Variants in MICAL2 observed in about 807,000 individuals in gnomAD.
The protein encoded by MICAL2 is microtubule associated monooxygenase, calponin and LIM domain containing 2.
A neutral mutation model predicts 127.3 loss-of-function variants in MICAL2; 77 were observed. That is an observed-to-expected ratio of 0.60 (90% CI 0.50 to 0.73). The LOEUF (loss-of-function observed/expected upper bound fraction) is 0.73. Ranked by LOEUF, MICAL2 falls within the 30% of genes least tolerant of loss-of-function variation. The probability of loss-of-function intolerance (pLI) is 0.00; values close to 1 mark genes in which losing one functional copy is unlikely to be tolerated. For missense variants in MICAL2, 1,351 were observed against 1,434.4 expected (o/e 0.94, Z 0.94); for synonymous variants, 570 against 551.1 (o/e 1.03, Z -0.48).
At chr11:12,209,427 C>T (rs1855152960) in intron 5 of MICAL2, 70 bp from the exon 6 acceptor site, 1 of 1,247,798 alleles carries the variant, frequency 8.0e-7, no homozygotes, top group Non-Finnish European at 1.2e-6. Context: ...TCATAGCCAC[C>T]ACACGGGGGG....
At chr11:12,213,046 C>G (rs1855698258) in intron 6 of MICAL2, among the ~76,000 whole-genome samples, 1 of 151,406 alleles carries the variant, frequency 6.6e-6, no homozygotes, top group Non-Finnish European at 1.5e-5. Flanking sequence ...TAACCAGGTC[C>G]TGTAGATTTT....
At chr11:12,334,341 T>G (rs1445606594) in intron 32 of MICAL2, among the ~76,000 whole-genome samples, 2 of 152,176 alleles carry the variant, frequency 1.3e-5, no homozygotes, top group Non-Finnish European at 2.9e-5. Flanking sequence ...GTGTAAATAG[T>G]TGTTATACCA....
chr11:12,265,312 A>C (rs138145114), downstream of MICAL2, among the ~76,000 whole-genome samples: 603 of 152,336 alleles, frequency 4.0e-3, 4 homozygotes, highest in African/African-American at 0.014. Context: ...CATTCTACAT[A>C]CATAGTTTTG....
intron 25 of MICAL2, 73 bp from the exon 26 acceptor site, chr11:12,259,722 G>C: frequency 7.4e-7 from 1 of 1,348,496 alleles, no homozygotes; most frequent in Non-Finnish European, 1.0e-6. Context: ...AGTTTGTATT[G>C]GCTGTTGGCT....
chr11:12,237,619 T>C (rs1195519780), intron 16 of MICAL2, among the ~76,000 whole-genome samples: 1 of 151,328 alleles, frequency 6.6e-6, no homozygotes, highest in East Asian at 1.9e-4. Flanking sequence ...TGGGAAGAAA[T>C]CTGGTTTGTG....
intron 5 of MICAL2, among the ~76,000 whole-genome samples, chr11:12,209,042 C>T (rs1465440324): frequency 6.6e-6 from 1 of 151,706 alleles, no homozygotes; most frequent in Non-Finnish European, 1.5e-5. Flanking sequence ...AAATAAAAGA[C>T]AGTGTAGTGT....
chr11:12,238,800 A>AT (rs1859462692), intron 16 of MICAL2, among the ~76,000 whole-genome samples: 1 of 152,228 alleles, frequency 6.6e-6, no homozygotes, highest in Non-Finnish European at 1.5e-5. Context: ...AGCTGGGTGA[A>AT]GGGTATGCAG....
chr11:12,169,363 C>A (rs1855955476), intron 3 of MICAL2, among the ~76,000 whole-genome samples: 1 of 140,440 alleles, frequency 7.1e-6, no homozygotes, highest in Non-Finnish European at 1.5e-5. Flanking sequence ...GGCTATAGCA[C>A]AATAGCACCA....
intron 2 of MICAL2, among the ~76,000 whole-genome samples, chr11:12,143,961 G>C (rs1852616051): frequency 6.6e-6 from 1 of 152,090 alleles, no homozygotes; most frequent in Non-Finnish European, 1.5e-5. Context: ...GAGAGAGAGA[G>C]CGCCAGGAAC....
At chr11:12,289,739 T>C (rs1164180536), downstream of MICAL2, among the ~76,000 whole-genome samples, 1 of 151,930 alleles carries the variant, frequency 6.6e-6, no homozygotes, top group East Asian at 1.9e-4. Flanking sequence ...TGGCTAATTT[T>C]TGTATTTTTG....
At chr11:12,260,749 G>A in intron 26 of MICAL2, 1 of 985,532 alleles carries the variant, frequency 1.0e-6, no homozygotes, top group Non-Finnish European at 1.2e-6. Context: ...GAAGCACGGA[G>A]CAGTGTGTGG....
intron 24 of MICAL2, among the ~76,000 whole-genome samples, chr11:12,269,647 G>T (rs1300131050): frequency 6.6e-6 from 1 of 152,188 alleles, no homozygotes; most frequent in Non-Finnish European, 1.5e-5. Flanking sequence ...GGGAGGAGCT[G>T]CTCAGCTCTG....
In MICAL2 at chr11:12,162,103, A is replaced by G; in HGVS notation, c.-53A>G. 1.2e-6 allele frequency: 2 copies of G among 1,608,302 alleles called. No individual in the cohort carries two copies. The highest frequency in any genetic ancestry group is 1.7e-6 in the Non-Finnish European group (2 of 1,176,886). On this transcript the variant is annotated 5_prime_UTR_variant, in exon 3 of 28. It removes an upstream start codon present in the reference 5' UTR. Transcript: ENST00000683283. Reference sequence around the variant, plus strand: ...GGTGTGACGTTTCTCCAGATACTTCATGCTGTTCACCTGTGTCCTCGCCGC... The same window carrying G: ...GGTGTGACGTTTCTCCAGATACTTCGTGCTGTTCACCTGTGTCCTCGCCGC...
chr11:12,361,542 T>C (rs1430118184), downstream of MICAL2, among the ~76,000 whole-genome samples: 7 of 152,236 alleles, frequency 4.6e-5, no homozygotes, highest in Non-Finnish European at 1.0e-4. Flanking sequence ...TAAGTTTGTA[T>C]TTCTAAAACT....
At chr11:12,172,699 A>C (rs1189493663) in intron 3 of MICAL2, among the ~76,000 whole-genome samples, 2 of 152,084 alleles carry the variant, frequency 1.3e-5, no homozygotes, top group African/African-American at 2.4e-5. Context: ...AGAAAAAAAA[A>C]CTCAGCAAAC....
intron 1 of MICAL2, among the ~76,000 whole-genome samples, chr11:12,123,044 G>T (rs1463345073): frequency 3.3e-5 from 5 of 150,584 alleles, no homozygotes; most frequent in African/African-American, 7.3e-5. Flanking sequence ...TTCAGAAATT[G>T]TTTTTTTTTA....
intron 3 of MICAL2, among the ~76,000 whole-genome samples, chr11:12,177,542 C>T (rs1856969638): frequency 6.6e-6 from 1 of 152,124 alleles, no homozygotes; most frequent in African/African-American, 2.4e-5. Flanking sequence ...TTTCCTGTGG[C>T]TTTGGTGTCA....
intron 26 of MICAL2, 78 bp downstream of exon 26, chr11:12,259,975 G>C (rs959697722): frequency 6.4e-7 from 1 of 1,571,298 alleles, no homozygotes; most frequent in Non-Finnish European, 8.6e-7. Flanking sequence ...CTGGATGCAG[G>C]GACTCCTGCA....
chr11:12,175,014 TTGGGAGGCTGAGA>T (rs1856682532), intron 3 of MICAL2, among the ~76,000 whole-genome samples: 1 of 151,896 alleles, frequency 6.6e-6, no homozygotes, highest in Admixed American at 6.6e-5. Flanking sequence ...TCCCAGCTAC[TTGGGAGGCTGAGA>T]TGGGAGGATC....
Sources: gnomAD v4.1 joint callset for allele counts (sites outside exome capture counted in the v4.1 genomes callset) on GRCh38, gnomAD v4.1.1 for gene constraint, MANE v1.5 for transcripts, NCBI Gene and HGNC (gene_info 2026-07-23, HGNC 2026-07-21) for gene names.